Variants in UVRAG observed in about 807,000 individuals in gnomAD.
The protein encoded by UVRAG is UV radiation resistance associated.
In UVRAG, 19 loss-of-function variants were observed where a neutral mutation model predicts 78.0. The ratio of observed to expected loss-of-function variants is 0.24; its 90% CI spans 0.17 to 0.36. The LOEUF is 0.36. Ranked by LOEUF, UVRAG falls within the 10% of genes least tolerant of loss-of-function variation. The pLI is 1.00. For missense variants in UVRAG, 740 were observed against 853.8 expected (o/e 0.87, Z 1.66); for synonymous variants, 323 against 324.6 (o/e 1.00, Z 0.05).
intron 6 of UVRAG, among the ~76,000 whole-genome samples, chr11:75,948,902 T>C (rs1948632153): frequency 6.6e-6 from 1 of 152,198 alleles, no homozygotes; most frequent in South Asian, 2.1e-4. Flanking sequence ...TTTCTAGTTG[T>C]CTCTAAGGAA....
intron 2 of UVRAG, among the ~76,000 whole-genome samples, chr11:75,860,890 A>G (rs1019584503): frequency 3.3e-5 from 5 of 151,746 alleles, no homozygotes; most frequent in South Asian, 2.1e-4. Flanking sequence ...GGTTCAAGCA[A>G]TTCTCCTGCT....
At chr11:75,896,082 A>G (rs1295567072) in intron 5 of UVRAG, among the ~76,000 whole-genome samples, 3 of 152,248 alleles carry the variant, frequency 2.0e-5, no homozygotes, top group Admixed American at 1.3e-4. Flanking sequence ...TGCATCTTGC[A>G]GATAATGCAG....
intron 4 of UVRAG, among the ~76,000 whole-genome samples, chr11:75,880,762 C>T (rs1946924004): frequency 6.6e-6 from 1 of 151,330 alleles, no homozygotes; most frequent in Non-Finnish European, 1.5e-5. Context: ...TCCATGTTGG[C>T]CAGGCTGGTC....
chr11:76,078,225 A>G (rs1326481615), intron 13 of UVRAG, among the ~76,000 whole-genome samples: 1 of 152,200 alleles, frequency 6.6e-6, no homozygotes, highest in East Asian at 1.9e-4. Context: ...AATGGTTTAT[A>G]TTGCCTGATT....
intron 6 of UVRAG, among the ~76,000 whole-genome samples, chr11:75,949,744 T>TA (rs1262301407): frequency 1.3e-5 from 2 of 149,842 alleles, no homozygotes; most frequent in Non-Finnish European, 3.0e-5. Context: ...TACACATATA[T>TA]ATATACACAC....
chr11:75,836,161 G>T (rs1031488075), intron 1 of UVRAG, among the ~76,000 whole-genome samples: 2 of 151,884 alleles, frequency 1.3e-5, no homozygotes, highest in African/African-American at 4.8e-5. Flanking sequence ...AACCAGAAAG[G>T]ACCTTGAAGG....
intron 1 of UVRAG, among the ~76,000 whole-genome samples, chr11:75,848,051 A>G (rs1946074359): frequency 6.7e-6 from 1 of 148,922 alleles, no homozygotes; most frequent in African/African-American, 2.5e-5. Flanking sequence ...AAAAAAATTT[A>G]GCTGGGCATG....
chr11:75,952,423 C>T (rs982355798), intron 6 of UVRAG, among the ~76,000 whole-genome samples: 1 of 151,186 alleles, frequency 6.6e-6, no homozygotes, highest in Admixed American at 6.6e-5. Context: ...GGAAGCTCCC[C>T]TTTCCTCCTA....
intron 5 of UVRAG, among the ~76,000 whole-genome samples, chr11:75,891,133 A>G (rs1947205497): frequency 6.6e-6 from 1 of 152,118 alleles, no homozygotes; most frequent in South Asian, 2.1e-4. Context: ...CTATATCAAC[A>G]TACTATGTAT....
intron 1 of UVRAG, among the ~76,000 whole-genome samples, chr11:75,845,075 T>A (rs145928216): frequency 6.6e-6 from 1 of 152,322 alleles, no homozygotes; most frequent in East Asian, 1.9e-4. Flanking sequence ...TTTTGCCCAC[T>A]CCCAACATTT....
At chr11:75,856,598 C>T (rs914915573) in intron 2 of UVRAG, among the ~76,000 whole-genome samples, 3 of 152,120 alleles carry the variant, frequency 2.0e-5, no homozygotes, top group African/African-American at 7.2e-5. Context: ...GCACACACCA[C>T]CATGCCTGGC....
At chr11:75,817,898 GAAAA>G (rs111248538) in intron 1 of UVRAG, among the ~76,000 whole-genome samples, 11 of 104,074 alleles carry the variant, frequency 1.1e-4, no homozygotes, top group African/African-American at 1.9e-4. Context: ...ACAAAAAAAA[GAAAA>G]AAAAAAAAAA....
chr11:75,973,627 A>G (rs1273696371), intron 7 of UVRAG, among the ~76,000 whole-genome samples: 1 of 152,150 alleles, frequency 6.6e-6, no homozygotes, highest in Non-Finnish European at 1.5e-5. Context: ...TTACATATGT[A>G]TACATGTGCC....
intron 14 of UVRAG, among the ~76,000 whole-genome samples, chr11:76,131,567 C>G (rs1400323349): frequency 6.6e-6 from 1 of 152,200 alleles, no homozygotes; most frequent in Non-Finnish European, 1.5e-5. Flanking sequence ...TTTTTATACT[C>G]TGTTTTTATT....
At chr11:76,052,695 G>A (rs1473614362) in intron 12 of UVRAG, among the ~76,000 whole-genome samples, 2 of 152,116 alleles carry the variant, frequency 1.3e-5, no homozygotes, top group East Asian at 1.9e-4. Flanking sequence ...CTTTTCTGGT[G>A]AGATACTTCT....
intron 13 of UVRAG, among the ~76,000 whole-genome samples, chr11:76,076,802 G>GTATTTATTTATTTATTTATT (rs140240744): frequency 8.9e-4 from 132 of 147,628 alleles, no homozygotes; most frequent in Admixed American, 2.1e-3. Context: ...AAATTAGGTT[G>GTATTTATTTATTTATTTATT]TATTTATTTA....
At chr11:76,114,271 G>A (rs566509339) in intron 13 of UVRAG, among the ~76,000 whole-genome samples, 1 of 152,278 alleles carries the variant, frequency 6.6e-6, no homozygotes, top group East Asian at 1.9e-4. Context: ...TTAATATGGG[G>A]TAGATCTTAT....
intron 8 of UVRAG, among the ~76,000 whole-genome samples, chr11:75,994,239 T>G (rs1397097202): frequency 2.6e-5 from 4 of 152,224 alleles, no homozygotes; most frequent in Non-Finnish European, 4.4e-5. Context: ...TTAATACAAT[T>G]ACTTTCTTGA....
intron 5 of UVRAG, among the ~76,000 whole-genome samples, chr11:75,904,203 G>A (rs1252971916): frequency 6.6e-6 from 1 of 152,148 alleles, no homozygotes; most frequent in East Asian, 1.9e-4. Flanking sequence ...TGACTTGCCT[G>A]GAATTACTCC....
Sources: gnomAD v4.1 joint callset for allele counts (sites outside exome capture counted in the v4.1 genomes callset) on GRCh38, gnomAD v4.1.1 for gene constraint, MANE v1.5 for transcripts, NCBI Gene and HGNC (gene_info 2026-07-23, HGNC 2026-07-21) for gene names.